The following TTC21B variants were observed in gnomAD, a reference collection of about 807,000 sequenced individuals.
The protein encoded by TTC21B is tetratricopeptide repeat domain 21B.
In TTC21B, 127 loss-of-function variants were observed where a neutral mutation model predicts 175.1. The ratio of observed to expected loss-of-function variants is 0.73; its 90% confidence interval spans 0.63 to 0.84. The LOEUF (loss-of-function observed/expected upper bound fraction) is 0.84. Among genes scored for constraint, TTC21B ranks in the 40% least tolerant of loss-of-function variants. The probability of loss-of-function intolerance (pLI) is 0.00; values close to 1 mark genes in which losing one functional copy is unlikely to be tolerated. For synonymous variants in TTC21B, 524 were observed against 524.5 expected, an observed-to-expected ratio of 1.00 and a Z score of 0.01; for missense variants, 1,561 against 1,558.3, an observed-to-expected ratio of 1.00 and a Z score of -0.03.
intron 3 of TTC21B, chr2:165,947,492 C>A (rs910811887): frequency 3.3e-5 from 5 of 151,748 alleles, no homozygotes; most frequent in African/African-American, 1.2e-4. Context: ...CACTCCCCAC[C>A]CCTACAACCC....
At chr2:165,952,981 A>T (rs1449595668) in intron 1 of TTC21B, among the ~76,000 whole-genome samples, 1 of 152,238 alleles carries the variant, frequency 6.6e-6, no homozygotes, top group Non-Finnish European at 1.5e-5. Context: ...AGCCTGTAAA[A>T]TCTGAGAAGG....
intron 12 of TTC21B, among the ~76,000 whole-genome samples, chr2:165,924,101 G>C (rs554568329): frequency 1.4e-4 from 22 of 152,188 alleles, no homozygotes; most frequent in African/African-American, 4.6e-4. Context: ...CTGTGCCTTA[G>C]AAAACTAAGG....
intron 1 of TTC21B, among the ~76,000 whole-genome samples, chr2:165,951,259 T>TA (rs2105372083): frequency 6.6e-6 from 1 of 152,308 alleles, no homozygotes; most frequent in South Asian, 2.1e-4. Context: ...CATAGCACCA[T>TA]AAAAAGGACG....
At position 165,890,996 on chromosome 2, in the gene TTC21B, C is replaced by T; in HGVS notation, c.2951-8G>A. The T allele has an allele frequency of 6.2e-7, 1 of 1,606,312 alleles. No individual in the cohort carries two copies. The highest frequency in any genetic ancestry group is 8.5e-7 in the Non-Finnish European group (1 of 1,173,284). ...ATAATGTCATATAATTATCTAGAAA[C>T]AAATAATACTTCAGATATGGGCACC... On this transcript the variant is annotated splice_polypyrimidine_tract_variant and splice_region_variant and intron_variant, in intron 22 of 28. Coordinates refer to ENST00000243344, the MANE Select transcript of TTC21B (RefSeq NM_024753.5).
chr2:165,929,801 C>T, intron 9 of TTC21B, 54 bp from the exon 10 acceptor site: 1 of 1,146,336 alleles, frequency 8.7e-7, no homozygotes, highest in Admixed American at 1.7e-5. Context: ...CAGGGATGCA[C>T]TCTTCAAGCT....
chr2:165,912,623 G>C lies in TTC21B; in HGVS notation c.2213C>G (p.Pro738Arg). ...CTCATATGCTACTATGGCTTCTTCA[G>C]GCTAATATTGCCAGACACAAAAAAT... ...LGDAYMNILE[P>R]EEAIVAYEQA... The change falls in exon 17 of 29, where the codon CCT becomes CGT. Residue 738 changes from proline (P) to arginine (R), a missense_variant and splice_region_variant. Pro to Arg is a moderately radical substitution (Grantham distance 103). Coordinates refer to ENST00000243344, the MANE Select transcript of TTC21B (RefSeq NM_024753.5). 2.5e-6 allele frequency: 4 copies of C among 1,612,794 alleles called. No homozygotes were observed. The highest frequency in any genetic ancestry group is 3.4e-6 in the Non-Finnish European group (4 of 1,178,974).
chr2:165,923,016 T>C (rs1318698911), intron 12 of TTC21B, among the ~76,000 whole-genome samples: 3 of 152,126 alleles, frequency 2.0e-5, no homozygotes, highest in Admixed American at 6.5e-5. Flanking sequence ...TGTTCTCACT[T>C]GTAAGTAGTA....
At chr2:165,875,031 T>C (rs766602231) in intron 28 of TTC21B, among the ~76,000 whole-genome samples, 199 bp from the exon 29 acceptor site, 175 of 152,098 alleles carry the variant, frequency 1.2e-3, no homozygotes, top group Non-Finnish European at 1.7e-3. Flanking sequence ...ATGAGAACAA[T>C]AGAATGTAAA....
rs760982788 is a variant in TTC21B, at chr2:165,883,856, T to C, written c.3622A>G (p.Ile1208Val). The C allele has an allele frequency of 1.2e-5, 19 of 1,613,970 alleles. No individual in the cohort carries two copies. The East Asian group carries it at 3.6e-4, about 30-fold the overall frequency. Reference protein sequence around the residue: ...KSWLLLADIYIQSAKYDMAED... With the variant: ...KSWLLLADIYVQSAKYDMAED... ...GCCATGTCATATTTTGCTGATTGAA[T>C]GTAAATATCAGCAAGTAGCAGCCAA... The change falls in exon 26 of 29, where the codon ATT becomes GTT. Residue 1208 changes from isoleucine to valine, a missense_variant. Physicochemically the swap from Ile to Val is conservative, Grantham distance 29. Coordinates refer to ENST00000243344, the MANE Select transcript of TTC21B (RefSeq NM_024753.5).
chr2:165,949,554 A>G (rs1687696460), intron 2 of TTC21B, 41 bp downstream of exon 2: 3 of 1,613,716 alleles, frequency 1.9e-6, no homozygotes, highest in Non-Finnish European at 1.7e-6. Context: ...GCAAAGCAAG[A>G]ATTTAAAACT....
chr2:165,918,300 C>CTTCTTATTTTCTGCTCAAAAA (rs1686253921), intron 13 of TTC21B, among the ~76,000 whole-genome samples: 1 of 151,934 alleles, frequency 6.6e-6, no homozygotes, highest in South Asian at 2.1e-4. Flanking sequence ...ATATTTTCTG[C>CTTCTTATTTTCTGCTCAAAAA]AATTTTTTTT....
chr2:165,911,221 C>T, intron 18 of TTC21B, 106 bp downstream of exon 18: 1 of 1,411,796 alleles, frequency 7.1e-7, no homozygotes, highest in East Asian at 2.4e-5. Flanking sequence ...ATTTATATAA[C>T]CAACCACAAA....
chr2:165,917,225 C>A (rs1385530402), intron 14 of TTC21B, 32 bp downstream of exon 14: 1 of 1,580,834 alleles, frequency 6.3e-7, no homozygotes, highest in Non-Finnish European at 8.7e-7. Context: ...AGAAAGTTCA[C>A]ATCCGAGCCC....
Position 165,874,049 on chromosome 2 carries a change from G to A in TTC21B, c.*706C>T, listed in dbSNP as rs1281767024. On this transcript the variant is annotated 3_prime_UTR_variant, in exon 29 of 29. Transcript: ENST00000243344. ...TTATTCCAATTTTTGAAACAACACAGAATACAACAAAAACAGGCTGGGTGC... is the reference window on the plus strand; with the variant it reads ...TTATTCCAATTTTTGAAACAACACAAAATACAACAAAAACAGGCTGGGTGC... The A allele has an allele frequency of 6.6e-6, 1 of 151,926 alleles. No homozygotes were observed. The highest frequency in any genetic ancestry group is 1.9e-4 in the East Asian group (1 of 5,194). The allele number at this position is 151,926 out of a possible 1,614,324, so 9.4% of individuals were successfully genotyped here.
intron 12 of TTC21B, among the ~76,000 whole-genome samples, chr2:165,921,433 C>T (rs191924255): frequency 3.9e-5 from 6 of 152,298 alleles, no homozygotes; most frequent in African/African-American, 1.4e-4. Flanking sequence ...TCAGACCTCA[C>T]CCTGTGCATC....
chr2:165,951,928 A>G (rs1687773546), intron 1 of TTC21B, among the ~76,000 whole-genome samples: 1 of 152,188 alleles, frequency 6.6e-6, no homozygotes, highest in Non-Finnish European at 1.5e-5. Context: ...AATCAAGGGA[A>G]AGATTATTGG....
chr2:165,925,059 C>T (rs16851311), intron 11 of TTC21B, among the ~76,000 whole-genome samples: 23,729 of 152,072 alleles, frequency 0.16, 2,181 homozygotes, highest in East Asian at 0.27. Flanking sequence ...AGTAAGTGTT[C>T]GAATTCTAGA....
chr2:165,949,527 G>T, intron 2 of TTC21B, 23 bp from the exon 3 acceptor site: 1 of 1,613,434 alleles, frequency 6.2e-7, no homozygotes. Context: ...ATTATGATAT[G>T]AAAAACTGTT....
At position 165,917,366 on chromosome 2, in the gene TTC21B, C is replaced by A. The variant is rs767048001; in HGVS notation, c.1790G>T (p.Arg597Ile). The A allele has an allele frequency of 3.7e-6, 6 of 1,614,142 alleles. No individual in the cohort carries two copies. Among genetic ancestry groups the A allele is most frequent in the Non-Finnish European group, 4.2e-6 (5 of 1,180,022 alleles). ...HMAMSLPGMK[R>I]IGASTKSKDR... is the part of the protein sequence containing the mutation. Reference sequence around the variant, plus strand: ...TTTTGATTTTGTGGAAGCTCCAATTCTTTTCATTCCTGGTAAACTCATTGC... The same window carrying A: ...TTTTGATTTTGTGGAAGCTCCAATTATTTTCATTCCTGGTAAACTCATTGC... The change falls in exon 14 of 29, where the codon AGA (arginine) becomes ATA (isoleucine). Residue 597 changes from arginine to isoleucine, a missense_variant. Arg to Ile is a moderately conservative substitution (Grantham distance 97). Coordinates refer to ENST00000243344, the MANE Select transcript of TTC21B (RefSeq NM_024753.5).
Sources: allele counts gnomAD v4.1 joint callset (sites outside exome capture counted in the v4.1 genomes callset), GRCh38; gene constraint gnomAD v4.1.1; transcripts MANE v1.5; gene names NCBI Gene and HGNC (gene_info 2026-07-23, HGNC 2026-07-21).